The following THOC2 variants were observed in gnomAD, a reference collection of about 807,000 sequenced individuals.
THOC2 encodes THO complex 2.
In THOC2, 10 loss-of-function variants were observed where a neutral mutation model predicts 128.4. The ratio of observed to expected loss-of-function variants is 0.08; its 90% confidence interval spans 0.05 to 0.13. The LOEUF is 0.13. Among genes scored for constraint, THOC2 ranks in the 10% least tolerant of loss-of-function variants. THOC2 has a pLI of 1.00. For synonymous variants in THOC2, 393 were observed against 396.9 expected (o/e 0.99, Z 0.12); for missense variants, 535 against 1,155.7 (o/e 0.46, Z 7.79).
chrX:123,696,364 C>A (rs1484230830), intron 6 of THOC2, among the ~76,000 whole-genome samples: 2 of 110,979 alleles, frequency 1.8e-5, no homozygotes, highest in Non-Finnish European at 3.8e-5. Context: ...TAGGGAAAAC[C>A]AGTAACACAA....
At chrX:123,723,672 T>C (rs912422113) in intron 1 of THOC2, among the ~76,000 whole-genome samples, 3 of 111,450 alleles carry the variant, frequency 2.7e-5, no homozygotes, top group African/African-American at 9.8e-5. Flanking sequence ...AAGTCATAAC[T>C]GTTGAACAAA....
At chrX:123,640,484 T>C in intron 16 of THOC2, 54 bp downstream of exon 16, 1 of 914,236 alleles carries the variant, frequency 1.1e-6, no homozygotes, top group African/African-American at 2.0e-5. Flanking sequence ...TTGCACTGAT[T>C]TAAAGGCAAC....
At chrX:123,709,932 A>C (rs748322720) in intron 2 of THOC2, among the ~76,000 whole-genome samples, 1 of 111,152 alleles carries the variant, frequency 9.0e-6, no homozygotes, top group South Asian at 3.9e-4. Context: ...GTGGGGGGGA[A>C]GGTGATTTAT....
Position 123,624,683 on chromosome X carries a change from A to T in THOC2, c.3058-14T>A. 4.2e-6 allele frequency: 5 copies of T among 1,190,897 alleles called. No homozygotes were observed. Among genetic ancestry groups the T allele is most frequent in the Non-Finnish European group, 4.5e-6 (4 of 881,290 alleles). The stretch of plus-strand genomic sequence containing the variant: ...GTCAGAGAAAACCTACAGGAGAAAA[A>T]TGTTTAAAAAATATAAACAAATCAA... On this transcript the variant is annotated splice_polypyrimidine_tract_variant and intron_variant, in intron 25 of 38. Transcript: ENST00000245838.
intron 37 of THOC2, 102 bp from the exon 38 acceptor site, chrX:123,611,065 G>T: frequency 1.3e-6 from 1 of 747,669 alleles, no homozygotes; most frequent in South Asian, 2.6e-5. Context: ...AATGGGCTCT[G>T]ACCAGCCTGG....
intron 3 of THOC2, among the ~76,000 whole-genome samples, chrX:123,705,723 C>G (rs2050900604): frequency 9.1e-6 from 1 of 109,331 alleles, no homozygotes; most frequent in Non-Finnish European, 1.9e-5. Flanking sequence ...TGGGAAAGCA[C>G]AAAAAACATA....
At chrX:123,728,210 A>G (rs766588701) in intron 1 of THOC2, among the ~76,000 whole-genome samples, 16 of 111,264 alleles carry the variant, frequency 1.4e-4, no homozygotes, top group Non-Finnish European at 2.3e-4. Context: ...TTGTAGAAAC[A>G]TGCATTTAAA....
intron 21 of THOC2, among the ~76,000 whole-genome samples, chrX:123,632,368 T>TAATC (rs2047515358): frequency 9.3e-6 from 1 of 107,251 alleles, no homozygotes; most frequent in African/African-American, 3.4e-5. Flanking sequence ...TGCATGCCTA[T>TAATC]AATCCCCAGC....
chrX:123,698,909 A>T (rs149491418), intron 4 of THOC2, among the ~76,000 whole-genome samples: 1,406 of 111,160 alleles, frequency 0.013, 14 homozygotes, highest in Admixed American at 0.02. Context: ...ATCTTGAATT[A>T]TAATTCTAGT....
chrX:123,648,929 G>A (rs2048243780), intron 12 of THOC2, among the ~76,000 whole-genome samples: 1 of 112,135 alleles, frequency 8.9e-6, no homozygotes, highest in Non-Finnish European at 1.9e-5. Flanking sequence ...GCTCTGAAGA[G>A]GGCAGCGGAT....
chrX:123,682,663 C>CA (rs1174101301), intron 8 of THOC2, among the ~76,000 whole-genome samples: 1 of 111,780 alleles, frequency 8.9e-6, no homozygotes, highest in Non-Finnish European at 1.9e-5. Flanking sequence ...TATTTTTCCC[C>CA]ATCTCATTAA....
chrX:123,668,602 T>C (rs2049138996), intron 9 of THOC2, among the ~76,000 whole-genome samples: 1 of 112,063 alleles, frequency 8.9e-6, no homozygotes, highest in Admixed American at 9.5e-5. Context: ...TTCCGTTGAA[T>C]TTATTAGTTT....
chrX:123,685,283 G>T (rs5958285), intron 8 of THOC2, among the ~76,000 whole-genome samples: 2,747 of 112,238 alleles, frequency 0.024, 79 homozygotes, highest in African/African-American at 0.084. Context: ...GTCTGGCAAA[G>T]GAGATAGATA....
In THOC2 at chrX:123,671,651, G is replaced by A. The variant is rs759927685; in HGVS notation, c.861+18C>T. ...TGGGACAGACAATCAAGTATTCTTA[G>A]CAGCCCACTTGACTTACATGTACAT... On this transcript the variant is annotated intron_variant, in intron 9 of 38. Coordinates refer to ENST00000245838, the MANE Select transcript of THOC2 (RefSeq NM_001081550.2). 9.9e-7 allele frequency: 1 copy of A among 1,008,732 alleles called. No individual in the cohort carries two copies. Among genetic ancestry groups the A allele is most frequent in the Non-Finnish European group, 1.4e-6 (1 of 732,698 alleles). The allele number at this position is 1,008,732 out of a possible 1,213,427, so 83.1% of individuals were successfully genotyped here.
At chrX:123,680,639 T>C (rs1277138582) in intron 8 of THOC2, among the ~76,000 whole-genome samples, 1 of 109,758 alleles carries the variant, frequency 9.1e-6, no homozygotes, top group Admixed American at 9.7e-5. Flanking sequence ...TTCAGATCCA[T>C]ATGTCGATTA....
chrX:123,634,888 G>A (rs2047616238), intron 19 of THOC2, among the ~76,000 whole-genome samples: 1 of 111,721 alleles, frequency 9.0e-6, no homozygotes, highest in African/African-American at 3.2e-5. Context: ...GCAAAGTTTA[G>A]GACTACCAAT....
rs190465904 is a variant in THOC2, at chrX:123,624,610, G to A, written c.3117C>T (p.Tyr1039=). 99 of 1,207,374 alleles carry A rather than the reference G, an allele frequency of 8.2e-5. No homozygotes were observed. The highest frequency in any genetic ancestry group is 4.6e-4 in the Middle Eastern group (2 of 4,339). Residue 1039 remains tyrosine (Y), a synonymous_variant, in exon 26 of 39, where the codon TAC becomes TAT. Transcript: ENST00000245838. ...ASCTENEASR[Y]GRFLCCMLET... ...CTAACATGCAGCAAAGAAACCTTCC[G>A]TATCGACTGGCTTCATTTTCAGTAC...
At chrX:123,616,647 A>G (rs1020198436) in intron 33 of THOC2, among the ~76,000 whole-genome samples, 3 of 108,604 alleles carry the variant, frequency 2.8e-5, no homozygotes, top group South Asian at 3.9e-4. Context: ...AATTAGAGAG[A>G]GGCTGATTAA....
intron 3 of THOC2, among the ~76,000 whole-genome samples, chrX:123,704,691 C>A (rs1343714267): frequency 1.8e-5 from 2 of 110,843 alleles, no homozygotes; most frequent in Non-Finnish European, 3.8e-5. Context: ...AACCCTGTCT[C>A]TACTAAGAAT....
Sources: allele counts gnomAD v4.1 joint callset (sites outside exome capture counted in the v4.1 genomes callset), GRCh38; gene constraint gnomAD v4.1.1; transcripts MANE v1.5; gene names NCBI Gene and HGNC (gene_info 2026-07-23, HGNC 2026-07-21).